The following ARHGEF28 variants were observed in gnomAD, a reference collection of about 807,000 sequenced individuals.
ARHGEF28 encodes the protein Rho guanine nucleotide exchange factor 28, also known as 190 kDa guanine nucleotide exchange factor.
In ARHGEF28, 152 loss-of-function variants were observed where a neutral mutation model predicts 206.6. The observed-to-expected ratio is 0.74, with a 90% CI of 0.64 to 0.84. The LOEUF (loss-of-function observed/expected upper bound fraction) is 0.84, where lower values mean the gene tolerates loss of function less well. Among genes scored for constraint, ARHGEF28 ranks in the 40% least tolerant of loss-of-function variants. ARHGEF28 has a pLI of 0.00. For synonymous variants in ARHGEF28, 763 were observed against 776.4 expected (o/e 0.98, Z 0.29); for missense variants, 2,028 against 2,073.2 (o/e 0.98, Z 0.42).
At chr5:73,828,974 C>A (rs908996983) in intron 9 of ARHGEF28, among the ~76,000 whole-genome samples, 12 of 152,128 alleles carry the variant, frequency 7.9e-5, no homozygotes, top group Non-Finnish European at 1.8e-4. Context: ...GTGTGCACCA[C>A]CACACCCATC....
At chr5:73,879,331 T>G (rs1760753911) in intron 22 of ARHGEF28, among the ~76,000 whole-genome samples, 1 of 152,174 alleles carries the variant, frequency 6.6e-6, no homozygotes, top group African/African-American at 2.4e-5. Context: ...TTCGTCTAAA[T>G]TTTTTTCAAA....
At chr5:73,844,278 T>G (rs1243054480) in intron 11 of ARHGEF28, among the ~76,000 whole-genome samples, 1 of 152,208 alleles carries the variant, frequency 6.6e-6, no homozygotes, top group Non-Finnish European at 1.5e-5. Flanking sequence ...CGGATATTAT[T>G]GCGGGCTGCC....
intron 35 of ARHGEF28, among the ~76,000 whole-genome samples, chr5:73,917,991 A>G (rs1763307135): frequency 6.6e-6 from 1 of 152,130 alleles, no homozygotes; most frequent in Non-Finnish European, 1.5e-5. Context: ...TGGGGTAATG[A>G]TCCGGCTTCA....
chr5:73,735,303 C>T (rs1750857329), intron 2 of ARHGEF28, among the ~76,000 whole-genome samples: 3 of 151,088 alleles, frequency 2.0e-5, no homozygotes, highest in Non-Finnish European at 2.9e-5. Flanking sequence ...ATGCAAGTGC[C>T]GATATATTTT....
rs753827131 is a variant in ARHGEF28, at chr5:73,817,997, T to C, written c.1025-14341T>C. ...GATACCTTCCTCCTATACACAGATA[T>C]AGTACTTAAACACATCATTGGATTG... On this transcript the variant is annotated intron_variant, in intron 9 of 35. Coordinates refer to ENST00000513042, the MANE Select transcript of ARHGEF28 (RefSeq NM_001177693.2). 2.6e-5 allele frequency among the ~76,000 whole-genome samples: 4 copies of C among 152,192 alleles called. No homozygotes were observed. The East Asian group carries it at 5.8e-4, about 22-fold the overall frequency.
At chr5:73,865,001 T>C (rs1759624218) in intron 17 of ARHGEF28, 129 bp downstream of exon 17, 1 of 776,602 alleles carries the variant, frequency 1.3e-6, no homozygotes, top group African/African-American at 1.7e-5. Context: ...TAACATAACA[T>C]ATGCTCAAAG....
intron 10 of ARHGEF28, chr5:73,835,019 T>C (rs1022508467): frequency 6.6e-6 from 1 of 152,202 alleles, no homozygotes; most frequent in Non-Finnish European, 1.5e-5. Flanking sequence ...TTTCAGGATG[T>C]GGGCTGGTCA....
In ARHGEF28 at chr5:73,747,994, A is replaced by C. The variant is rs1368459790; in HGVS notation, c.34-1843A>C. On this transcript the variant is annotated intron_variant, in intron 2 of 35. Coordinates refer to ENST00000513042, the MANE Select transcript of ARHGEF28 (RefSeq NM_001177693.2). ...ATTAGATATCCTTGTGATCTGTGAA[A>C]ATTTTTGATCTGTTTATATAATTTG... Among the ~76,000 whole-genome samples the C allele has an allele frequency of 3.3e-5, 5 of 152,116 alleles. No individual in the cohort carries two copies. The South Asian group carries it at 8.3e-4, about 25-fold the overall frequency.
intron 1 of ARHGEF28, among the ~76,000 whole-genome samples, chr5:73,657,489 C>T (rs908695279): frequency 3.3e-5 from 5 of 152,158 alleles, no homozygotes; most frequent in Admixed American, 6.5e-5. Flanking sequence ...ACAAAATATT[C>T]GATCAGTCTA....
rs765689911 is a variant in ARHGEF28 at position 73,911,518 on chromosome 5, G to C, written c.4891G>C (p.Gly1631Arg). The change falls in exon 35 of 36, where the codon GGT (glycine) becomes CGT (arginine). Residue 1631 changes from glycine to arginine, a missense_variant. Transcript: ENST00000513042. The stretch of plus-strand genomic sequence containing the variant: ...CAGTCACAAACTGTGGACAGCCGCT[G>C]GTTCCGGCCATCAGATACTTCCTTT... ...NVSHKLWTAA[G>R]SGHQILPFHE... is the part of the protein sequence containing the mutation. 40 of 1,613,336 alleles carry C rather than the reference G, an allele frequency of 2.5e-5. No homozygotes were observed. The highest frequency in any genetic ancestry group is 3.4e-5 in the Non-Finnish European group (40 of 1,179,588).
At chr5:73,743,909 T>A (rs1751576803) in intron 2 of ARHGEF28, among the ~76,000 whole-genome samples, 1 of 152,176 alleles carries the variant, frequency 6.6e-6, no homozygotes. Flanking sequence ...TTCGTGCATT[T>A]GCTGTTTGTT....
chr5:73,793,083 G>A (rs1334107180), intron 7 of ARHGEF28, among the ~76,000 whole-genome samples: 1 of 152,150 alleles, frequency 6.6e-6, no homozygotes, highest in Non-Finnish European at 1.5e-5. Flanking sequence ...TACTTTGTTC[G>A]CTGGTTATTT....
intron 4 of ARHGEF28, among the ~76,000 whole-genome samples, chr5:73,768,304 C>G (rs1753024616): frequency 6.6e-6 from 1 of 152,178 alleles, no homozygotes; most frequent in Non-Finnish European, 1.5e-5. Flanking sequence ...GATCCACTGA[C>G]AGCTTGCGCT....
At chr5:73,635,549 T>C (rs760145185) in intron 1 of ARHGEF28, among the ~76,000 whole-genome samples, 2 of 152,214 alleles carry the variant, frequency 1.3e-5, no homozygotes, top group Non-Finnish European at 2.9e-5. Context: ...AGTGATTTCA[T>C]TGGCTATTTA....
Position 73,869,105 on chromosome 5 carries a change from A to G in ARHGEF28, c.2425+878A>G, listed in dbSNP as rs148111452. Among the ~76,000 whole-genome samples the G allele has an allele frequency of 5.6e-3, 843 of 151,502 alleles. 11 individuals are homozygous for G. The highest frequency in any genetic ancestry group is 0.016 in the African/African-American group (659 of 41,284). ...TGCCCCAGGAACCTGTTTTATTTTA[A>G]TCTTAAGTCTTTAAATTCATTGTCA... On this transcript the variant is annotated intron_variant, in intron 20 of 35. Transcript: ENST00000513042.
intron 1 of ARHGEF28, among the ~76,000 whole-genome samples, chr5:73,661,924 A>G (rs1745621596): frequency 6.6e-6 from 1 of 152,154 alleles, no homozygotes; most frequent in African/African-American, 2.4e-5. Context: ...AGCACATGCT[A>G]TTGCAAAAAT....
At chr5:73,902,053 T>C (rs1470838012) in intron 31 of ARHGEF28, 1 of 152,196 alleles carries the variant, frequency 6.6e-6, no homozygotes, top group African/African-American at 2.4e-5. Flanking sequence ...GGTGCCAATA[T>C]GTGTCAATGT....
chr5:73,743,831 G>A (rs1751573093), intron 2 of ARHGEF28, among the ~76,000 whole-genome samples: 1 of 152,100 alleles, frequency 6.6e-6, no homozygotes, highest in Admixed American at 6.5e-5. Context: ...ATTTCAGGAT[G>A]GGAACTACAT....
In ARHGEF28 at chr5:73,880,443, G is replaced by A. The variant is rs532042507; in HGVS notation, c.2815-2029G>A. Among the ~76,000 whole-genome samples the A allele has an allele frequency of 2.0e-3, 312 of 152,210 alleles. 1 individual carries two copies. Among genetic ancestry groups the A allele is most frequent in the African/African-American group, 6.9e-3 (287 of 41,546 alleles). On this transcript the variant is annotated intron_variant, in intron 22 of 35. Coordinates refer to ENST00000513042, the MANE Select transcript of ARHGEF28 (RefSeq NM_001177693.2). ...TGGTGTGCTGCACCCACTGTCCTGCGCCCACTGTCTGGCACTCCCTAGTGA... is the reference window on the plus strand; with the variant it reads ...TGGTGTGCTGCACCCACTGTCCTGCACCCACTGTCTGGCACTCCCTAGTGA...
Sources: gnomAD v4.1 joint callset for allele counts (sites outside exome capture counted in the v4.1 genomes callset) on GRCh38, gnomAD v4.1.1 for gene constraint, MANE v1.5 for transcripts, NCBI Gene and HGNC (gene_info 2026-07-23, HGNC 2026-07-21) for gene names.